Variants in OLFM2 observed in about 807,000 individuals in gnomAD.
The protein encoded by OLFM2 is noelin-2.
In OLFM2, 20 loss-of-function variants were observed where a neutral mutation model predicts 43.9. The ratio of observed to expected loss-of-function variants is 0.46; its 90% CI spans 0.32 to 0.66. The LOEUF is 0.66. Among genes scored for constraint, OLFM2 ranks in the 30% least tolerant of loss-of-function variants. The pLI is 0.04. For missense variants in OLFM2, 416 were observed against 643.6 expected (o/e 0.65, Z 3.83); for synonymous variants, 268 against 278.6 (o/e 0.96, Z 0.38).
intron 1 of OLFM2, among the ~76,000 whole-genome samples, chr19:9,890,650 AAT>A (rs1306189051): frequency 6.6e-6 from 1 of 152,128 alleles, no homozygotes; most frequent in Non-Finnish European, 1.5e-5. Context: ...CTTCCAGGTG[AAT>A]ACTTTAAGAG....
chr19:9,909,050 G>A (rs1038884058), intron 1 of OLFM2, among the ~76,000 whole-genome samples: 9 of 152,014 alleles, frequency 5.9e-5, no homozygotes, highest in Non-Finnish European at 7.4e-5. Context: ...ATGTCGCCCA[G>A]GCTGGTCTTG....
chr19:9,896,827 C>G (rs1199228357), intron 1 of OLFM2, among the ~76,000 whole-genome samples: 2 of 152,206 alleles, frequency 1.3e-5, no homozygotes, highest in African/African-American at 4.8e-5. Context: ...CCCTGTTTTG[C>G]AGAAAGCGCC....
intron 1 of OLFM2, among the ~76,000 whole-genome samples, chr19:9,904,054 C>G (rs1054531601): frequency 5.9e-5 from 9 of 152,024 alleles, no homozygotes; most frequent in Non-Finnish European, 5.9e-5. Flanking sequence ...GGCTGCATTA[C>G]CTGGTTGGGC....
intron 1 of OLFM2, among the ~76,000 whole-genome samples, chr19:9,883,285 A>G (rs958733926): frequency 3.3e-5 from 5 of 151,566 alleles, no homozygotes; most frequent in Non-Finnish European, 5.9e-5. Context: ...CAAAAATCCA[A>G]CAAATTCCAG....
intron 1 of OLFM2, among the ~76,000 whole-genome samples, chr19:9,923,273 A>G (rs2086431657): frequency 6.6e-6 from 1 of 151,882 alleles, no homozygotes; most frequent in African/African-American, 2.4e-5. Flanking sequence ...AGGGTGGAGT[A>G]GCTGGGCACG....
chr19:9,893,409 C>T (rs945216982), intron 1 of OLFM2, among the ~76,000 whole-genome samples: 3 of 152,186 alleles, frequency 2.0e-5, no homozygotes, highest in African/African-American at 7.2e-5. Flanking sequence ...AGGTGATCCA[C>T]CCGCCTCCAC....
At chr19:9,896,091 ATTTTT>A (rs71188854) in intron 1 of OLFM2, among the ~76,000 whole-genome samples, 4 of 95,782 alleles carry the variant, frequency 4.2e-5, no homozygotes, top group Admixed American at 1.4e-4. Flanking sequence ...CTTTATTTTA[ATTTTT>A]TTTTTTTTTT....
chr19:9,894,237 G>T (rs1302356527), intron 1 of OLFM2, among the ~76,000 whole-genome samples: 1 of 151,924 alleles, frequency 6.6e-6, no homozygotes, highest in Non-Finnish European at 1.5e-5. Context: ...AGGTTGCAGT[G>T]AGCAGAGATC....
intron 1 of OLFM2, among the ~76,000 whole-genome samples, chr19:9,901,872 T>C (rs1232125863): frequency 2.0e-5 from 3 of 152,210 alleles, no homozygotes; most frequent in Admixed American, 6.5e-5. Flanking sequence ...GGAAACGCCA[T>C]TGTGCATTAG....
Position 9,866,709 on chromosome 19 carries a change from G to A in OLFM2, c.64-5915C>T, listed in dbSNP as rs1441701102. Among the ~76,000 whole-genome samples the A allele has an allele frequency of 4.0e-5, 6 of 151,748 alleles. 1 individual carries two copies. In the South Asian group the frequency reaches 8.3e-4, roughly 21 times the overall value. ...GGGATCTCACTACATTTCCTAGGCC[G>A]ATCTTGAACTCCTGGGCTAAAGTGA... On this transcript the variant is annotated intron_variant, in intron 1 of 5. Coordinates refer to ENST00000264833, the MANE Select transcript of OLFM2 (RefSeq NM_058164.4).
intron 1 of OLFM2, among the ~76,000 whole-genome samples, chr19:9,870,292 G>A (rs954368002): frequency 6.6e-6 from 1 of 152,148 alleles, no homozygotes; most frequent in Non-Finnish European, 1.5e-5. Context: ...GTCAAACGGT[G>A]TGAGTCTTGA....
chr19:9,861,772 A>G (rs1018619682), intron 1 of OLFM2, among the ~76,000 whole-genome samples: 1 of 152,256 alleles, frequency 6.6e-6, no homozygotes, highest in African/African-American at 2.4e-5. Flanking sequence ...CAAACTGATT[A>G]GAAGACACCC....
At chr19:9,913,575 TG>T in intron 1 of OLFM2, 1 of 1,281,644 alleles carries the variant, frequency 7.8e-7, no homozygotes, top group Non-Finnish European at 1.0e-6. Context: ...ACCATGGCCA[TG>T]GTGCTCAGCA....
intron 1 of OLFM2, among the ~76,000 whole-genome samples, chr19:9,916,122 C>T (rs1473529625): frequency 6.6e-6 from 1 of 152,060 alleles, no homozygotes; most frequent in Non-Finnish European, 1.5e-5. Flanking sequence ...TTTGGGAGGC[C>T]GAGGAGGGTG....
Position 9,853,750 on chromosome 19 carries a change from A to G in OLFM2, c.*436T>C. 2.6e-6 allele frequency: 1 copy of G among 378,510 alleles called. No homozygotes were observed. Among genetic ancestry groups the G allele is most frequent in the Admixed American group, 4.2e-5 (1 of 23,994 alleles). 23.4% of individuals were successfully genotyped at this position (378,510 alleles called of 1,614,324 possible). ...TCAAAGGTCCTGTTTATTCCGGCAA[A>G]CCGGAAAGAAAAAGTGTAAATAAAA... is the stretch of plus-strand genomic sequence containing the variant. On this transcript the variant is annotated 3_prime_UTR_variant, in exon 6 of 6. Transcript: ENST00000264833.
At chr19:9,923,236 A>G (rs116195625) in intron 1 of OLFM2, among the ~76,000 whole-genome samples, 4,362 of 152,140 alleles carry the variant, frequency 0.029, 198 homozygotes, top group African/African-American at 0.099. Context: ...ATGCACAGTG[A>G]TAATTTTTTT....
intron 1 of OLFM2, among the ~76,000 whole-genome samples, chr19:9,880,920 CAG>C (rs1366776612): frequency 6.6e-6 from 1 of 152,098 alleles, no homozygotes; most frequent in East Asian, 1.9e-4. Flanking sequence ...TTTTCTGAGA[CAG>C]AGTCTTGCTC....
chr19:9,934,976 C>T (rs773454406), intron 1 of OLFM2, among the ~76,000 whole-genome samples: 2 of 152,194 alleles, frequency 1.3e-5, no homozygotes, highest in Non-Finnish European at 2.9e-5. Flanking sequence ...TCTTCACGGA[C>T]GCTGTCCACA....
chr19:9,868,662 C>T (rs1436938920), intron 1 of OLFM2, among the ~76,000 whole-genome samples: 3 of 151,616 alleles, frequency 2.0e-5, no homozygotes, highest in African/African-American at 7.3e-5. Context: ...TTTTTAGGGC[C>T]GGGTGCAGTG....
Sources: allele counts gnomAD v4.1 joint callset (sites outside exome capture counted in the v4.1 genomes callset), GRCh38; gene constraint gnomAD v4.1.1; transcripts MANE v1.5; gene names NCBI Gene and HGNC (gene_info 2026-07-23, HGNC 2026-07-21).